DMD: variants seen among roughly 807,000 people sequenced by gnomAD.
DMD encodes mutant dystrophin.
DMD carries 63 observed loss-of-function variants against 330.1 expected under a neutral mutation model. The ratio of observed to expected loss-of-function variants is 0.19; its 90% CI spans 0.16 to 0.24. The LOEUF (loss-of-function observed/expected upper bound fraction) is 0.24. Ranked by LOEUF, DMD falls within the 10% of genes least tolerant of loss-of-function variation. DMD has a pLI of 1.00. For missense variants in DMD, 3,344 were observed against 2,684.1 expected, an observed-to-expected ratio of 1.25 and a Z score of -5.43; for synonymous variants, 1,223 against 959.8, an observed-to-expected ratio of 1.27 and a Z score of -5.07.
At chrX:32,384,430 T>C (rs1226295569) in intron 33 of DMD, among the ~76,000 whole-genome samples, 2 of 111,019 alleles carry the variant, frequency 1.8e-5, no homozygotes, top group African/African-American at 6.5e-5. Context: ...TATTTCAAGA[T>C]TATCATAATG....
chrX:31,361,450 A>C (rs932798203), intron 60 of DMD, among the ~76,000 whole-genome samples: 1 of 111,108 alleles, frequency 9.0e-6, no homozygotes, highest in Non-Finnish European at 1.9e-5. Flanking sequence ...GACGAATTAG[A>C]GACTTTTGAA....
chrX:32,035,265 A>C (rs539850147), intron 44 of DMD, among the ~76,000 whole-genome samples: 49 of 112,201 alleles, frequency 4.4e-4, no homozygotes, highest in African/African-American at 1.5e-3. Flanking sequence ...TGATTTAAAA[A>C]ATTTAAAAAA....
chrX:31,907,775 C>T (rs866668609), intron 47 of DMD, among the ~76,000 whole-genome samples: 13 of 112,080 alleles, frequency 1.2e-4, no homozygotes, highest in South Asian at 1.1e-3. Context: ...TCAGAGTGAA[C>T]AAGCAACCTA....
chrX:31,341,973 T>TTGCTTAGGTAATGCACTC (rs1462809358), intron 61 of DMD, among the ~76,000 whole-genome samples: 1 of 110,654 alleles, frequency 9.0e-6, no homozygotes, highest in Non-Finnish European at 1.9e-5. Flanking sequence ...ACACTTAACC[T>TTGCTTAGGTAATGCACTC]TGCTTAGGTA....
chrX:31,626,473 G>T (rs987757668), intron 55 of DMD, among the ~76,000 whole-genome samples: 3 of 111,569 alleles, frequency 2.7e-5, no homozygotes, highest in African/African-American at 9.8e-5. Flanking sequence ...ACAAGCCATG[G>T]GAGATATCTA....
chrX:32,886,638 G>A (rs1040676401), intron 2 of DMD, among the ~76,000 whole-genome samples: 7 of 110,380 alleles, frequency 6.3e-5, no homozygotes, highest in African/African-American at 1.7e-4. Flanking sequence ...AGCCGAGATC[G>A]CGCCACTGCA....
intron 2 of DMD, among the ~76,000 whole-genome samples, chrX:32,985,511 G>A (rs1383709789): frequency 2.7e-5 from 3 of 110,739 alleles, no homozygotes; most frequent in African/African-American, 9.8e-5. Flanking sequence ...CATAACACAT[G>A]CATACATCTG....
At chrX:31,812,164 C>T (rs2092477864) in intron 50 of DMD, among the ~76,000 whole-genome samples, 2 of 109,197 alleles carry the variant, frequency 1.8e-5, no homozygotes, top group South Asian at 8.0e-4. Flanking sequence ...AAATGGAATG[C>T]TTTATTTAAC....
chrX:32,768,011 C>A (rs1230805018), intron 7 of DMD, among the ~76,000 whole-genome samples: 1 of 111,832 alleles, frequency 8.9e-6, no homozygotes, highest in Non-Finnish European at 1.9e-5. Flanking sequence ...ACACACATAA[C>A]TTTATTCAAT....
At chrX:33,011,112 G>T (rs984995132) in intron 2 of DMD, among the ~76,000 whole-genome samples, 1 of 111,468 alleles carries the variant, frequency 9.0e-6, no homozygotes, top group African/African-American at 3.3e-5. Context: ...AAATGTAAAG[G>T]GTAGACTTCA....
At position 32,573,820 on chromosome X, in the gene DMD, G is replaced by A. The variant is rs2052709240; in HGVS notation, c.1629C>T (p.Ile543=). 1 of 1,211,008 alleles carries A rather than the reference G, an allele frequency of 8.3e-7. No homozygotes were observed. The change falls in exon 14 of 79, where the codon ATC becomes ATT. Residue 543 remains isoleucine, a synonymous_variant. Coordinates refer to ENST00000357033, the MANE Select transcript of DMD (RefSeq NM_004006.3). Reference sequence around the variant, plus strand: ...CCCAGCGGTCTTCTGTCCATCTACAGATGTTTGCCCATCGATCTCCCAATA... The same window carrying A: ...CCCAGCGGTCTTCTGTCCATCTACAAATGTTTGCCCATCGATCTCCCAATA... The part of the protein sequence containing the change: ...LKVLGDRWAN[I]CRWTEDRWVL...
intron 41 of DMD, among the ~76,000 whole-genome samples, chrX:32,335,746 T>C (rs1194521417): frequency 3.0e-5 from 3 of 99,614 alleles, no homozygotes; most frequent in African/African-American, 1.0e-4. Flanking sequence ...AACATGTGTA[T>C]ATAGGCATAA....
chrX:32,051,513 A>G (rs2147522696), intron 44 of DMD, among the ~76,000 whole-genome samples: 1 of 110,025 alleles, frequency 9.1e-6, no homozygotes, highest in African/African-American at 3.3e-5. Flanking sequence ...TATGATGTTA[A>G]GTATATGGAA....
At position 32,368,339 on chromosome X, in the gene DMD, A is replaced by G. The variant is rs575336205; in HGVS notation, c.4846-3140T>C. ...GAAAAAAATCACATTTTTTTTTGGA[A>G]ACAGATGAGCCATGGCTGGAATAAG... On this transcript the variant is annotated intron_variant, in intron 34 of 78. Transcript: ENST00000357033. 4.5e-5 allele frequency among the ~76,000 whole-genome samples: 5 copies of G among 111,193 alleles called. No homozygotes were observed. The South Asian group carries it at 1.9e-3, about 42-fold the overall frequency.
chrX:31,242,332 G>A (rs1185397744), intron 63 of DMD, among the ~76,000 whole-genome samples: 2 of 96,261 alleles, frequency 2.1e-5, no homozygotes, highest in Non-Finnish European at 4.0e-5. Flanking sequence ...TCACTGACTC[G>A]CAAACAAGCC....
At chrX:33,061,203 C>A (rs1603176782) in intron 1 of DMD, among the ~76,000 whole-genome samples, 1 of 112,303 alleles carries the variant, frequency 8.9e-6, no homozygotes, top group East Asian at 2.8e-4. Flanking sequence ...ACGTTATTCT[C>A]TTTTATATCC....
At chrX:32,081,879 C>T (rs1603624367) in intron 44 of DMD, among the ~76,000 whole-genome samples, 1 of 109,735 alleles carries the variant, frequency 9.1e-6, no homozygotes, top group African/African-American at 3.4e-5. Context: ...ATAATAATAA[C>T]AACAAATAAA....
chrX:32,847,050 T>G (rs921782402), intron 3 of DMD, among the ~76,000 whole-genome samples: 2 of 111,517 alleles, frequency 1.8e-5, no homozygotes, highest in African/African-American at 3.3e-5. Flanking sequence ...ATAACCAATC[T>G]TCTTGTGTAT....
intron 16 of DMD, among the ~76,000 whole-genome samples, chrX:32,560,520 A>C (rs2050872365): frequency 9.1e-6 from 1 of 110,233 alleles, no homozygotes; most frequent in Non-Finnish European, 1.9e-5. Flanking sequence ...CCACGGTGGT[A>C]TGGTGCACCT....
Sources: gnomAD v4.1 joint callset for allele counts (sites outside exome capture counted in the v4.1 genomes callset) on GRCh38, gnomAD v4.1.1 for gene constraint, MANE v1.5 for transcripts, NCBI Gene and HGNC (gene_info 2026-07-23, HGNC 2026-07-21) for gene names.